Variants in LMO7 observed in about 807,000 individuals in gnomAD.
The protein encoded by LMO7 is LIM domain only protein 7.
A neutral mutation model predicts 206.5 loss-of-function variants in LMO7; 120 were observed. The observed-to-expected ratio is 0.58, with a 90% CI of 0.50 to 0.68. LMO7 has a LOEUF of 0.68. Among genes scored for constraint, LMO7 ranks in the 30% least tolerant of loss-of-function variants. LMO7 has a pLI of 0.00. For missense variants in LMO7, 1,959 were observed against 1,957.9 expected (o/e 1.00, Z -0.01); for synonymous variants, 706 against 681.5 (o/e 1.04, Z -0.56).
intron 27 of LMO7, among the ~76,000 whole-genome samples, chr13:75,850,004 G>T (rs1349563231): frequency 6.6e-6 from 1 of 152,112 alleles, no homozygotes. Flanking sequence ...TGTAATCCCA[G>T]CTACCCAGGA....
intron 1 of LMO7, among the ~76,000 whole-genome samples, chr13:75,701,980 T>C (rs946332273): frequency 3.9e-5 from 6 of 152,236 alleles, no homozygotes; most frequent in Non-Finnish European, 7.3e-5. Flanking sequence ...TCCAGTTGTA[T>C]TTCATTTTTG....
chr13:75,671,847 C>T (rs1016550406), intron 1 of LMO7, among the ~76,000 whole-genome samples: 2 of 152,086 alleles, frequency 1.3e-5, no homozygotes. Context: ...TTGCCTGTCT[C>T]CCCTTCTCTA....
chr13:75,755,176 G>T (rs187607728), intron 3 of LMO7, among the ~76,000 whole-genome samples: 1 of 152,082 alleles, frequency 6.6e-6, no homozygotes, highest in Non-Finnish European at 1.5e-5. Context: ...ATTCTGGGTG[G>T]TCCCTCACCT....
chr13:75,649,730 T>C (rs2037381069), intron 1 of LMO7, among the ~76,000 whole-genome samples: 1 of 152,194 alleles, frequency 6.6e-6, no homozygotes, highest in Non-Finnish European at 1.5e-5. Context: ...ACCTACCTTC[T>C]TGGATACATA....
intron 18 of LMO7, among the ~76,000 whole-genome samples, chr13:75,835,858 A>T: frequency 6.6e-6 from 1 of 152,302 alleles, no homozygotes; most frequent in East Asian, 1.9e-4. Flanking sequence ...AATTTTTCTA[A>T]GTATCAAAGC....
chr13:75,739,294 C>T (rs2046223607), intron 3 of LMO7, among the ~76,000 whole-genome samples: 1 of 152,164 alleles, frequency 6.6e-6, no homozygotes, highest in African/African-American at 2.4e-5. Flanking sequence ...TCAGTGGGCT[C>T]AGTGGGAAAA....
chr13:75,755,648 G>A (rs1249671258), intron 3 of LMO7, among the ~76,000 whole-genome samples: 1 of 152,088 alleles, frequency 6.6e-6, no homozygotes, highest in African/African-American at 2.4e-5. Flanking sequence ...TACTAGCTGG[G>A]CATCTGAAAC....
At chr13:75,622,507 TTGTC>T (rs1409894262) in intron 1 of LMO7, among the ~76,000 whole-genome samples, 4 of 152,234 alleles carry the variant, frequency 2.6e-5, no homozygotes, top group African/African-American at 9.6e-5. Context: ...AATCTTGTAA[TTGTC>T]TGTAAGTACT....
intron 1 of LMO7, among the ~76,000 whole-genome samples, chr13:75,660,105 T>A (rs139388189): frequency 6.6e-6 from 1 of 152,344 alleles, no homozygotes; most frequent in African/African-American, 2.4e-5. Flanking sequence ...GTAAAACAAC[T>A]CGGAGTATTC....
At chr13:75,675,902 A>G (rs2039970420) in intron 1 of LMO7, among the ~76,000 whole-genome samples, 1 of 151,744 alleles carries the variant, frequency 6.6e-6, no homozygotes, top group Non-Finnish European at 1.5e-5. Flanking sequence ...ACACACACAC[A>G]CACACACACA....
chr13:75,783,386 G>A (rs1011234983), intron 4 of LMO7, among the ~76,000 whole-genome samples: 3 of 152,140 alleles, frequency 2.0e-5, no homozygotes, highest in African/African-American at 7.2e-5. Flanking sequence ...GCAGTGGTGC[G>A]ATTTTGGCTC....
chr13:75,772,271 A>G (rs1228412638), intron 4 of LMO7, among the ~76,000 whole-genome samples: 4 of 152,120 alleles, frequency 2.6e-5, no homozygotes, highest in Non-Finnish European at 5.9e-5. Flanking sequence ...GACACGTGAA[A>G]CTAATAGTAG....
chr13:75,776,480 A>G (rs918835846), intron 4 of LMO7, among the ~76,000 whole-genome samples: 1 of 151,970 alleles, frequency 6.6e-6, no homozygotes, highest in Non-Finnish European at 1.5e-5. Flanking sequence ...ATGATTTGAA[A>G]GCTTTTTAAA....
chr13:75,652,842 G>A (rs1353184803), intron 1 of LMO7, among the ~76,000 whole-genome samples: 1 of 152,100 alleles, frequency 6.6e-6, no homozygotes, highest in Non-Finnish European at 1.5e-5. Context: ...AGAGTGTAAT[G>A]AGTCAAAACT....
chr13:75,853,818 G>A (rs956054618), intron 28 of LMO7, among the ~76,000 whole-genome samples: 4 of 152,248 alleles, frequency 2.6e-5, no homozygotes, highest in African/African-American at 9.6e-5. Flanking sequence ...GGAACTGAGT[G>A]TAAAAGAAGA....
At chr13:75,651,309 CTTTT>C (rs33997803) in intron 1 of LMO7, among the ~76,000 whole-genome samples, 2 of 135,442 alleles carry the variant, frequency 1.5e-5, no homozygotes. Context: ...GTGTGGTTTC[CTTTT>C]TTTTTTTTTT....
intron 15 of LMO7, among the ~76,000 whole-genome samples, chr13:75,831,833 C>T (rs1479602038): frequency 6.6e-6 from 1 of 152,168 alleles, no homozygotes; most frequent in Non-Finnish European, 1.5e-5. Flanking sequence ...ACCACATTGG[C>T]AATTAAATTT....
At chr13:75,806,106 C>T (rs17065074) in intron 9 of LMO7, 109,724 of 1,046,316 alleles carry the variant, frequency 0.1, 6,405 homozygotes, top group Admixed American at 0.21. Context: ...CTGACAGAAG[C>T]GCCACCGTTT....
At chr13:75,642,685 C>T (rs953302170) in intron 1 of LMO7, among the ~76,000 whole-genome samples, 1 of 152,066 alleles carries the variant, frequency 6.6e-6, no homozygotes, top group African/African-American at 2.4e-5. Context: ...AAAAACGGTT[C>T]TTGATACACA....
Sources: allele counts gnomAD v4.1 joint callset (sites outside exome capture counted in the v4.1 genomes callset), GRCh38; gene constraint gnomAD v4.1.1; transcripts MANE v1.5; gene names NCBI Gene and HGNC (gene_info 2026-07-23, HGNC 2026-07-21).